VPS41: variants seen among roughly 807,000 people sequenced by gnomAD.
VPS41 encodes the protein VPS41 subunit of HOPS complex, also known as vacuolar protein sorting-associated protein 41 homolog.
Under a neutral mutation model 130.9 loss-of-function variants are expected in VPS41, and 85 were observed. That is an observed-to-expected ratio of 0.65 (90% CI 0.55 to 0.78). The LOEUF (loss-of-function observed/expected upper bound fraction) is 0.78, where lower values mean the gene tolerates loss of function less well. Ranked by LOEUF, VPS41 falls within the 30% of genes least tolerant of loss-of-function variation. The pLI is 0.00. For missense variants in VPS41, 874 were observed against 1,018.7 expected (o/e 0.86, Z 1.93); for synonymous variants, 335 against 332.9 (o/e 1.01, Z -0.07).
chr7:38,861,819 C>G (rs1786121079), intron 4 of VPS41, among the ~76,000 whole-genome samples: 1 of 152,140 alleles, frequency 6.6e-6, no homozygotes, highest in Admixed American at 6.5e-5. Context: ...AATCAAGCTT[C>G]AAATTCAATA....
At chr7:38,796,913 T>C (rs1201433699) in intron 7 of VPS41, 49 bp from the exon 8 acceptor site, 5 of 1,609,754 alleles carry the variant, frequency 3.1e-6, no homozygotes, top group Non-Finnish European at 4.2e-6. Flanking sequence ...GAAAATAATG[T>C]ATCAGGTTCT....
intron 1 of VPS41, among the ~76,000 whole-genome samples, chr7:38,904,873 T>A (rs1008083624): frequency 5.3e-5 from 8 of 152,224 alleles, no homozygotes; most frequent in Admixed American, 6.5e-5. Context: ...AAATAGATGG[T>A]CTAATCGTGG....
intron 25 of VPS41, among the ~76,000 whole-genome samples, chr7:38,734,377 C>T (rs751036041): frequency 1.4e-4 from 21 of 152,256 alleles, no homozygotes; most frequent in South Asian, 2.1e-4. Flanking sequence ...ATTTTATCAA[C>T]GTGACCTTTA....
At chr7:38,785,275 A>G (rs1428991328) in intron 10 of VPS41, among the ~76,000 whole-genome samples, 1 of 152,246 alleles carries the variant, frequency 6.6e-6, no homozygotes, top group Non-Finnish European at 1.5e-5. Context: ...AAGCAGACAC[A>G]TTAAAGTAAA....
chr7:38,771,371 GT>G, intron 13 of VPS41, 117 bp from the exon 14 acceptor site: 2 of 729,218 alleles, frequency 2.7e-6, no homozygotes, highest in South Asian at 3.4e-5. Flanking sequence ...AGTTATTATG[GT>G]TTAGCATTCT....
chr7:38,908,910 G>T (rs1257774834), intron 1 of VPS41, among the ~76,000 whole-genome samples: 4 of 152,202 alleles, frequency 2.6e-5, no homozygotes, highest in African/African-American at 4.8e-5. Flanking sequence ...ACAGGGATGG[G>T]GCCCGAGGAA....
At chr7:38,874,283 T>C (rs1212336761) in intron 2 of VPS41, among the ~76,000 whole-genome samples, 1 of 152,200 alleles carries the variant, frequency 6.6e-6, no homozygotes, top group Non-Finnish European at 1.5e-5. Flanking sequence ...TGTTACTACT[T>C]ACACAGAACT....
chr7:38,849,215 G>T (rs992537011), intron 4 of VPS41, among the ~76,000 whole-genome samples: 2 of 152,146 alleles, frequency 1.3e-5, no homozygotes, highest in African/African-American at 4.8e-5. Flanking sequence ...AAACCCCTAG[G>T]AGGAACATGC....
In VPS41 at chr7:38,851,243, G is replaced by A. The variant is rs1244702222; in HGVS notation, c.246+11302C>T. On this transcript the variant is annotated intron_variant, in intron 4 of 28. Transcript: ENST00000310301. ...GCCACTGAGCAATGAAAAGTGCCCTGAGTAATATATTAATTTTTTTCCACA... is the reference window on the plus strand; with the variant it reads ...GCCACTGAGCAATGAAAAGTGCCCTAAGTAATATATTAATTTTTTTCCACA... Among the ~76,000 whole-genome samples, 6 of 152,150 alleles carry A rather than the reference G, an allele frequency of 3.9e-5. No individual in the cohort carries two copies. The South Asian group carries it at 8.3e-4, about 21-fold the overall frequency.
chr7:38,790,312 T>TTC, intron 9 of VPS41, among the ~76,000 whole-genome samples: 1 of 106,952 alleles, frequency 9.3e-6, no homozygotes, highest in East Asian at 2.8e-4. Flanking sequence ...TAATAATCTT[T>TTC]TTTATGAAAG....
chr7:38,812,027 A>G (rs1040297368), intron 7 of VPS41, among the ~76,000 whole-genome samples: 4 of 152,110 alleles, frequency 2.6e-5, no homozygotes, highest in Non-Finnish European at 5.9e-5. Context: ...TGTGATGTTC[A>G]GTAGGTTAAG....
At chr7:38,842,061 A>G (rs1785619397) in intron 4 of VPS41, among the ~76,000 whole-genome samples, 2 of 152,218 alleles carry the variant, frequency 1.3e-5, no homozygotes, top group Non-Finnish European at 2.9e-5. Context: ...TGTCAATTCC[A>G]GAACCAGTGC....
intron 21 of VPS41, among the ~76,000 whole-genome samples, chr7:38,752,628 G>A (rs1350500682): frequency 6.6e-6 from 1 of 152,146 alleles, no homozygotes; most frequent in East Asian, 1.9e-4. Flanking sequence ...AATTAAACGA[G>A]TTGCCATTAC....
intron 17 of VPS41, among the ~76,000 whole-genome samples, chr7:38,762,339 A>C (rs545252745): frequency 8.5e-5 from 13 of 152,358 alleles, no homozygotes; most frequent in Admixed American, 8.5e-4. Flanking sequence ...AAAAGTCTAG[A>C]AAGTACTCAT....
intron 2 of VPS41, among the ~76,000 whole-genome samples, chr7:38,872,061 C>T (rs1786376367): frequency 6.6e-6 from 1 of 152,238 alleles, no homozygotes; most frequent in African/African-American, 2.4e-5. Flanking sequence ...TCACTGAGGA[C>T]TTCTCACGGC....
intron 3 of VPS41, among the ~76,000 whole-genome samples, chr7:38,864,818 T>C (rs1786192716): frequency 6.6e-6 from 1 of 151,996 alleles, no homozygotes; most frequent in Non-Finnish European, 1.5e-5. Context: ...AGAATAAATA[T>C]AATTTCACTA....
intron 10 of VPS41, among the ~76,000 whole-genome samples, chr7:38,788,156 C>T (rs1263290059): frequency 6.6e-6 from 1 of 152,116 alleles, no homozygotes; most frequent in Non-Finnish European, 1.5e-5. Context: ...CCACACCCAT[C>T]CTAAAAGATA....
At position 38,743,297 on chromosome 7, in the gene VPS41, A is replaced by G. The variant is rs10224856; in HGVS notation, c.2122+105T>C. Reference sequence around the variant, plus strand: ...GGCCTATTTTTATTGTAGGTACGCTACCATTTTCTTAACCCAATGTATCTT... The same window carrying G: ...GGCCTATTTTTATTGTAGGTACGCTGCCATTTTCTTAACCCAATGTATCTT... On this transcript the variant is annotated intron_variant, in intron 24 of 28. Transcript: ENST00000310301. 1,192,298 of 1,314,668 alleles carry G rather than the reference A, an allele frequency of 0.91. 541,208 individuals carry two copies. Among genetic ancestry groups the G allele is most frequent in the East Asian group, 0.99 (41,953 of 42,330 alleles). 81.4% of individuals were successfully genotyped at this position (1,314,668 alleles called of 1,614,324 possible). A position where few individuals can be genotyped will look rare whatever the true frequency, so the allele number is the denominator to read the frequency against.
At chr7:38,880,987 T>C (rs1786591851) in intron 2 of VPS41, among the ~76,000 whole-genome samples, 1 of 152,226 alleles carries the variant, frequency 6.6e-6, no homozygotes, top group African/African-American at 2.4e-5. Context: ...CTTCCAAAAC[T>C]CTGAAATGCG....
Sources: allele counts gnomAD v4.1 joint callset (sites outside exome capture counted in the v4.1 genomes callset), GRCh38; gene constraint gnomAD v4.1.1; transcripts MANE v1.5; gene names NCBI Gene and HGNC (gene_info 2026-07-23, HGNC 2026-07-21).